Variants in CSMD2 observed in about 807,000 individuals in gnomAD.
CSMD2 encodes the protein CUB and sushi domain-containing protein 2.
In CSMD2, 130 loss-of-function variants were observed where a neutral mutation model predicts 398.5. That is an observed-to-expected ratio of 0.33 (90% confidence interval 0.28 to 0.38). The LOEUF (loss-of-function observed/expected upper bound fraction) is 0.38. Among genes scored for constraint, CSMD2 ranks in the 10% least tolerant of loss-of-function variants. CSMD2 has a pLI of 1.00. For synonymous variants in CSMD2, 1,828 were observed against 1,908.5 expected, an observed-to-expected ratio of 0.96 and a Z score of 1.10; for missense variants, 3,829 against 4,764.9, an observed-to-expected ratio of 0.80 and a Z score of 5.78.
chr1:34,049,678 G>C (rs1363796299), intron 2 of CSMD2, among the ~76,000 whole-genome samples: 1 of 152,162 alleles, frequency 6.6e-6, no homozygotes, highest in Admixed American at 6.5e-5. Context: ...TTAAGGGACT[G>C]ACATGTGAAA....
At chr1:33,677,168 C>T (rs1399815601) in intron 25 of CSMD2, among the ~76,000 whole-genome samples, 1 of 152,104 alleles carries the variant, frequency 6.6e-6, no homozygotes, top group Non-Finnish European at 1.5e-5. Flanking sequence ...TCAGAGTGAA[C>T]AGGCAACCTA....
Position 33,519,932 on chromosome 1 carries a change from G to A in CSMD2, c.10616C>T (p.Ser3539Leu). The A allele has an allele frequency of 6.2e-7, 1 of 1,614,176 alleles. No homozygotes were observed. Among genetic ancestry groups the A allele is most frequent in the Non-Finnish European group, 8.5e-7 (1 of 1,180,042 alleles). The change falls in exon 69 of 71, where the codon TCA (serine) becomes TTA (leucine). Residue 3539 changes from serine to leucine, a missense_variant. By Grantham distance (145) the Ser-to-Leu change is moderately radical. Around this residue, in one of 5 missense-constraint regions of CSMD2, gnomAD observed 917 missense variants for 1,199.5 expected, o/e 0.76. Transcript: ENST00000373381. This position sits in a 1 kb window ranked among gnomAD's most constrained non-coding sequence, Gnocchi z 5.6. ...GTGGCGGCCAATGGACTCGGGGTCT[G>A]ACTCCAGCAGCCTGAGGTCTGTAAA... ...FQRLDLRLLE[S>L]DPESIGRHFA...
At chr1:33,657,423 G>C (rs1471198921) in intron 27 of CSMD2, among the ~76,000 whole-genome samples, 1 of 152,208 alleles carries the variant, frequency 6.6e-6, no homozygotes, top group African/African-American at 2.4e-5. Context: ...GCAGTGAGTT[G>C]TGATGGTGCC....
chr1:33,895,054 G>A (rs976849114), intron 5 of CSMD2, among the ~76,000 whole-genome samples: 2 of 152,162 alleles, frequency 1.3e-5, no homozygotes, highest in East Asian at 3.9e-4. Flanking sequence ...GCCCACCTCA[G>A]TCAGTGGCCA....
intron 2 of CSMD2, among the ~76,000 whole-genome samples, chr1:34,035,762 C>T (rs1651047308): frequency 6.7e-6 from 1 of 149,316 alleles, no homozygotes; most frequent in African/African-American, 2.5e-5. Context: ...CAGTAGCTGA[C>T]ATCACACTTC....
chr1:33,768,102 T>G (rs542236231), intron 13 of CSMD2, among the ~76,000 whole-genome samples: 15 of 152,346 alleles, frequency 9.8e-5, no homozygotes, highest in Non-Finnish European at 1.9e-4. Context: ...TTCCCAATAA[T>G]GTAGAACATT....
intron 25 of CSMD2, among the ~76,000 whole-genome samples, chr1:33,675,739 A>G (rs1469343863): frequency 6.6e-6 from 1 of 152,208 alleles, no homozygotes; most frequent in East Asian, 1.9e-4. Flanking sequence ...ATCCAGCAGC[A>G]CATCAAAAAG....
intron 2 of CSMD2, among the ~76,000 whole-genome samples, chr1:34,038,526 G>C (rs1029043465): frequency 6.6e-6 from 1 of 152,090 alleles, no homozygotes; most frequent in African/African-American, 2.4e-5. Context: ...CCAGAGTCTT[G>C]AAAATGGGAC....
chr1:33,783,544 G>A (rs1316066018), intron 12 of CSMD2, among the ~76,000 whole-genome samples: 2 of 150,966 alleles, frequency 1.3e-5, no homozygotes, highest in Non-Finnish European at 2.9e-5. Context: ...TACAAGCCAC[G>A]AAGAAAGCCC....
At chr1:33,804,399 C>T (rs942435967) in intron 10 of CSMD2, among the ~76,000 whole-genome samples, 1 of 152,168 alleles carries the variant, frequency 6.6e-6, no homozygotes. Flanking sequence ...ATTTGTCCTC[C>T]CTGAGATACT....
At chr1:33,907,528 G>C (rs1288735715) in intron 5 of CSMD2, among the ~76,000 whole-genome samples, 1 of 152,050 alleles carries the variant, frequency 6.6e-6, no homozygotes, top group African/African-American at 2.4e-5. Flanking sequence ...AAGACTTGAG[G>C]GTAGCCAGTG....
chr1:33,832,085 C>T (rs1659645116), intron 6 of CSMD2, among the ~76,000 whole-genome samples: 1 of 137,106 alleles, frequency 7.3e-6, no homozygotes, highest in Non-Finnish European at 1.5e-5. Context: ...ACCCCACTGT[C>T]AATATTAGAC....
intron 12 of CSMD2, among the ~76,000 whole-genome samples, chr1:33,773,290 G>C (rs147733269): frequency 9.8e-5 from 15 of 152,366 alleles, no homozygotes; most frequent in African/African-American, 3.1e-4. Flanking sequence ...TCCCAAACCA[G>C]AGATTAATTG....
rs552617813 is a variant in CSMD2 at position 33,533,558 on chromosome 1, C to G, written c.9991+238G>C. On this transcript the variant is annotated intron_variant, in intron 63 of 70. Transcript: ENST00000373381. This position sits in a 1 kb window ranked among gnomAD's most constrained non-coding sequence, Gnocchi z 4.2. ...CTGGCCTTGCAGTTGTTAGTTTTTG[C>G]TGCTGCCACTGGATAGTTTTTTCTT... Among the ~76,000 whole-genome samples, 5 of 143,220 alleles carry G rather than the reference C, an allele frequency of 3.5e-5. No individual in the cohort carries two copies. Among genetic ancestry groups the G allele is most frequent in the Non-Finnish European group, 6.2e-5 (4 of 65,022 alleles). 94.0% of individuals were successfully genotyped at this position (143,220 alleles called of 152,430 possible). A position where few individuals can be genotyped will look rare whatever the true frequency, so the allele number is the denominator to read the frequency against.
chr1:33,590,771 G>A (rs1356823068), intron 44 of CSMD2, among the ~76,000 whole-genome samples: 1 of 152,058 alleles, frequency 6.6e-6, no homozygotes, highest in Non-Finnish European at 1.5e-5. Flanking sequence ...GAGGGGAAGA[G>A]GGTGAGGTGT....
intron 44 of CSMD2, among the ~76,000 whole-genome samples, chr1:33,587,961 A>G (rs1425930865): frequency 6.6e-6 from 1 of 152,214 alleles, no homozygotes; most frequent in East Asian, 1.9e-4. Context: ...ATATTAAAAA[A>G]GTGTTCTTTA....
At position 33,514,293 on chromosome 1, in the gene CSMD2, T is replaced by C. The variant is rs1279410374; in HGVS notation, c.*2331A>G. 6.7e-6 allele frequency: 1 copy of C among 149,222 alleles called. No individual in the cohort carries two copies. Among genetic ancestry groups the C allele is most frequent in the Non-Finnish European group, 1.5e-5 (1 of 67,154 alleles). The allele number at this position is 149,222 out of a possible 1,614,324, so 9.2% of individuals were successfully genotyped here. A position where few individuals can be genotyped will look rare whatever the true frequency, so the allele number is the denominator to read the frequency against. On this transcript the variant is annotated 3_prime_UTR_variant, in exon 71 of 71. Transcript: ENST00000373381. Reference sequence around the variant, plus strand: ...AAAAATTTACACCTTTTTTTTTTTCTTTTTTGGTACTGTACAAACTTTGTA... The same window carrying C: ...AAAAATTTACACCTTTTTTTTTTTCCTTTTTGGTACTGTACAAACTTTGTA...
At chr1:33,897,981 G>A (rs1425604147) in intron 5 of CSMD2, among the ~76,000 whole-genome samples, 1 of 152,104 alleles carries the variant, frequency 6.6e-6, no homozygotes, top group Non-Finnish European at 1.5e-5. Context: ...TCAAGACCCT[G>A]GGTTCCTAGT....
chr1:34,048,732 A>G (rs1174317686), intron 2 of CSMD2, among the ~76,000 whole-genome samples: 1 of 152,206 alleles, frequency 6.6e-6, no homozygotes, highest in Non-Finnish European at 1.5e-5. Flanking sequence ...CCATTTAAAG[A>G]CAGCGCTTTG....
Sources: gnomAD v4.1 joint callset for allele counts (sites outside exome capture counted in the v4.1 genomes callset) on GRCh38, gnomAD v4.1.1 for gene constraint, gnomAD v4.1.1 regional missense constraint, Gnocchi (gnomAD v3.1) non-coding constraint, MANE v1.5 for transcripts, NCBI Gene and HGNC (gene_info 2026-07-23, HGNC 2026-07-21) for gene names.